PDILT: variants seen among roughly 807,000 people sequenced by gnomAD.
The protein encoded by PDILT is protein disulfide isomerase like, testis expressed.
Under a neutral mutation model 53.7 loss-of-function variants are expected in PDILT, and 43 were observed. That is an observed-to-expected ratio of 0.80 (90% CI 0.63 to 1.03). The LOEUF (loss-of-function observed/expected upper bound fraction) is 1.03. Among genes scored for constraint, PDILT ranks in the 50% least tolerant of loss-of-function variants. The probability of loss-of-function intolerance (pLI) is 0.00; values close to 1 mark genes in which losing one functional copy is unlikely to be tolerated. For missense variants in PDILT, 727 were observed against 712.3 expected, an observed-to-expected ratio of 1.02 and a Z score of -0.24; for synonymous variants, 282 against 274.2, an observed-to-expected ratio of 1.03 and a Z score of -0.28.
chr16:20,367,184 C>T (rs1274363623), intron 8 of PDILT, among the ~76,000 whole-genome samples: 1 of 151,654 alleles, frequency 6.6e-6, no homozygotes, highest in Non-Finnish European at 1.5e-5. Flanking sequence ...CTCACTGCAA[C>T]CTCCACCTCC....
intron 7 of PDILT, 96 bp from the exon 8 acceptor site, chr16:20,369,785 G>A (rs1051708657): frequency 3.0e-5 from 38 of 1,252,138 alleles, no homozygotes; most frequent in Middle Eastern, 2.7e-4. Context: ...ACATGGTGGG[G>A]TCTGTGGAGC....
chr16:20,393,034 AT>A (rs1966624958), intron 2 of PDILT, among the ~76,000 whole-genome samples: 1 of 152,214 alleles, frequency 6.6e-6, no homozygotes, highest in Non-Finnish European at 1.5e-5. Flanking sequence ...TAACACCTCC[AT>A]TGAGGGTCTC....
At chr16:20,384,586 T>TCCCACCTTTACCCTAC in intron 3 of PDILT, 59 bp downstream of exon 3, 1 of 1,598,658 alleles carries the variant, frequency 6.3e-7, no homozygotes, top group Non-Finnish European at 8.6e-7. Context: ...CTTTACCCTA[T>TCCCACCTTTACCCTAC]AGCTGTTAAG....
In PDILT at chr16:20,365,279, A is replaced by G. The variant is rs575945053; in HGVS notation, c.1237+141T>C. ...TTGTTCCTGATAGCATCTTGAGTCAATCCCTTTGGGTATCTGAAGACCATC... is the reference window on the plus strand; with the variant it reads ...TTGTTCCTGATAGCATCTTGAGTCAGTCCCTTTGGGTATCTGAAGACCATC... On this transcript the variant is annotated intron_variant, in intron 9 of 11. Transcript: ENST00000302451. 91 of 892,610 alleles carry G rather than the reference A, an allele frequency of 1.0e-4. No individual in the cohort carries two copies. The South Asian group carries it at 1.3e-3, about 13-fold the overall frequency. The allele number at this position is 892,610 out of a possible 1,614,324, so 55.3% of individuals were successfully genotyped here. A position where few individuals can be genotyped will look rare whatever the true frequency, so the allele number is the denominator to read the frequency against.
At chr16:20,384,437 G>A (rs573045945) in intron 3 of PDILT, among the ~76,000 whole-genome samples, 2 of 152,228 alleles carry the variant, frequency 1.3e-5, no homozygotes, top group Admixed American at 6.5e-5. Flanking sequence ...AGTACCCGTG[G>A]TGACCTTCTA....
At chr16:20,400,644 T>A (rs1177251044) in intron 1 of PDILT, among the ~76,000 whole-genome samples, 1 of 152,132 alleles carries the variant, frequency 6.6e-6, no homozygotes, top group Non-Finnish European at 1.5e-5. Flanking sequence ...TGTACAAAAA[T>A]AGAGAGATGG....
intron 9 of PDILT, among the ~76,000 whole-genome samples, chr16:20,364,621 G>A (rs572786242): frequency 6.6e-6 from 1 of 152,310 alleles, no homozygotes; most frequent in African/African-American, 2.4e-5. Flanking sequence ...AGAAATGTCT[G>A]AAGGAACTTC....
chr16:20,377,061 A>G (rs1966397729), intron 3 of PDILT, among the ~76,000 whole-genome samples: 1 of 152,138 alleles, frequency 6.6e-6, no homozygotes, highest in African/African-American at 2.4e-5. Flanking sequence ...AACGCAGGAG[A>G]ATCACTTGGG....
At chr16:20,388,144 T>C (rs1484981934) in intron 2 of PDILT, among the ~76,000 whole-genome samples, 1 of 152,164 alleles carries the variant, frequency 6.6e-6, no homozygotes, top group Non-Finnish European at 1.5e-5. Flanking sequence ...ATGTAGGATC[T>C]TCTATGGAAA....
At chr16:20,370,584 A>C (rs760523308) in intron 7 of PDILT, among the ~76,000 whole-genome samples, 1 of 152,224 alleles carries the variant, frequency 6.6e-6, no homozygotes, top group Non-Finnish European at 1.5e-5. Context: ...AAGAAAAGTC[A>C]GTGTGGCTTT....
rs114268943 is a variant in PDILT at position 20,382,632 on chromosome 16, T to C, written c.409+2013A>G. ...CCTCTTATATTGGGGTGTTATGACA[T>C]AGGAGAAGGGTCTAGAACAATGCCT... On this transcript the variant is annotated intron_variant, in intron 3 of 11. Transcript: ENST00000302451. Among the ~76,000 whole-genome samples, 403 of 152,306 alleles carry C rather than the reference T, an allele frequency of 2.6e-3. 5 individuals carry two copies. Among genetic ancestry groups the C allele is most frequent in the African/African-American group, 9.3e-3 (387 of 41,550 alleles).
At chr16:20,386,408 G>A (rs1400250903) in intron 2 of PDILT, among the ~76,000 whole-genome samples, 2 of 152,090 alleles carry the variant, frequency 1.3e-5, no homozygotes, top group Non-Finnish European at 2.9e-5. Context: ...TTTCACTGCC[G>A]CCCACCCCCG....
intron 7 of PDILT, among the ~76,000 whole-genome samples, chr16:20,372,435 G>A (rs1192107134): frequency 1.3e-5 from 2 of 152,138 alleles, no homozygotes; most frequent in African/African-American, 4.8e-5. Flanking sequence ...AACAGCAGTG[G>A]TCTTTCCTGC....
chr16:20,359,930 G>T (rs2141695686), intron 11 of PDILT, among the ~76,000 whole-genome samples: 1 of 152,292 alleles, frequency 6.6e-6, no homozygotes, highest in Middle Eastern at 3.4e-3. Flanking sequence ...AGAAGTAGAT[G>T]CTTGCTTTCT....
chr16:20,403,666 G>C (rs890019416), intron 1 of PDILT, among the ~76,000 whole-genome samples: 4 of 148,398 alleles, frequency 2.7e-5, no homozygotes, highest in Non-Finnish European at 6.0e-5. Flanking sequence ...GCAAAAAAAA[G>C]CTTCTGCCTC....
intron 3 of PDILT, among the ~76,000 whole-genome samples, chr16:20,378,778 C>T (rs986820335): frequency 5.3e-5 from 8 of 152,152 alleles, no homozygotes; most frequent in Non-Finnish European, 8.8e-5. Context: ...GCAAAGGACA[C>T]GATCTCATTC....
intron 5 of PDILT, among the ~76,000 whole-genome samples, chr16:20,373,872 A>G (rs112772961): frequency 1.3e-5 from 2 of 152,316 alleles, no homozygotes; most frequent in South Asian, 2.1e-4. Context: ...TGCCTGATTC[A>G]TGAATTGTTC....
intron 1 of PDILT, among the ~76,000 whole-genome samples, chr16:20,400,414 C>CTT (rs11343462): frequency 0.016 from 2,128 of 130,024 alleles, 42 homozygotes; most frequent in Middle Eastern, 0.029. Flanking sequence ...TCAGATGATA[C>CTT]TTTTTTTTTT....
intron 7 of PDILT, among the ~76,000 whole-genome samples, chr16:20,372,446 C>T (rs561185033): frequency 1.3e-5 from 2 of 152,232 alleles, no homozygotes; most frequent in African/African-American, 4.8e-5. Context: ...TCTTTCCTGC[C>T]CCCACCTCCA....
Sources: gnomAD v4.1 joint callset for allele counts (sites outside exome capture counted in the v4.1 genomes callset) on GRCh38, gnomAD v4.1.1 for gene constraint, MANE v1.5 for transcripts, NCBI Gene and HGNC (gene_info 2026-07-23, HGNC 2026-07-21) for gene names.